NDNF: variants seen among roughly 807,000 people sequenced by gnomAD.
NDNF encodes the protein protein NDNF.
Under a neutral mutation model 42.0 loss-of-function variants are expected in NDNF, and 16 were observed. The observed-to-expected ratio is 0.38, with a 90% confidence interval of 0.26 to 0.58. The LOEUF (loss-of-function observed/expected upper bound fraction) is 0.58, where lower values mean the gene tolerates loss of function less well. Among genes scored for constraint, NDNF ranks in the 20% least tolerant of loss-of-function variants. NDNF has a pLI of 0.67. For synonymous variants in NDNF, 248 were observed against 251.7 expected (o/e 0.99, Z 0.14); for missense variants, 616 against 666.2 (o/e 0.92, Z 0.83).
At chr4:121,056,383 A>T (rs907997090) in intron 1 of NDNF, among the ~76,000 whole-genome samples, 1 of 152,200 alleles carries the variant, frequency 6.6e-6, no homozygotes. Context: ...CCAAGCTTTG[A>T]TGTATAATAC....
rs377352924 is a variant in NDNF at position 121,071,782 on chromosome 4, A to AAAG, written c.-2+210_-2+211insCTT. On this transcript the variant is annotated intron_variant, in intron 1 of 3. Coordinates refer to ENST00000379692, the MANE Select transcript of NDNF (RefSeq NM_024574.4). ...CAACAACAACAATAAAAAAAAAAAA[A>AAAG]CGAGGGAAACCTGCTCCTGCCCCTC... 4 of 150,666 alleles carry AAAG rather than the reference A, an allele frequency of 2.7e-5. No homozygotes were observed. The East Asian group carries it at 8.0e-4, about 30-fold the overall frequency. 9.3% of individuals were successfully genotyped at this position (150,666 alleles called of 1,614,324 possible).
intron 1 of NDNF, among the ~76,000 whole-genome samples, chr4:121,057,801 C>A (rs538833900): frequency 1.2e-4 from 18 of 152,110 alleles, no homozygotes; most frequent in Admixed American, 4.6e-4. Flanking sequence ...ATAAAATCTC[C>A]GGGGAAATTC....
chr4:121,044,789 A>C (rs1462271189), intron 2 of NDNF, among the ~76,000 whole-genome samples: 2 of 152,106 alleles, frequency 1.3e-5, no homozygotes, highest in Admixed American at 1.3e-4. Flanking sequence ...ACATAGTGAG[A>C]CACCATCTCT....
chr4:121,069,254 C>T (rs1312702752), intron 1 of NDNF, among the ~76,000 whole-genome samples: 1 of 152,146 alleles, frequency 6.6e-6, no homozygotes, highest in African/African-American at 2.4e-5. Context: ...AATGTTGTGA[C>T]AATAGTCTTT....
At chr4:121,040,121 G>T in intron 2 of NDNF, 67 bp from the exon 3 acceptor site, 2 of 1,434,784 alleles carry the variant, frequency 1.4e-6, no homozygotes, top group South Asian at 1.4e-5. Context: ...AGACTTACCA[G>T]AAAAATCATT....
chr4:121,041,958 T>C (rs1560604190), intron 2 of NDNF, among the ~76,000 whole-genome samples: 1 of 152,144 alleles, frequency 6.6e-6, no homozygotes, highest in Non-Finnish European at 1.5e-5. Context: ...GCCCTGTCAC[T>C]ACAGAGGTTT....
At chr4:121,058,154 G>A (rs972434196) in intron 1 of NDNF, among the ~76,000 whole-genome samples, 1 of 152,034 alleles carries the variant, frequency 6.6e-6, no homozygotes, top group African/African-American at 2.4e-5. Context: ...CTTGTATAAA[G>A]TAGGCATTAG....
intron 2 of NDNF, among the ~76,000 whole-genome samples, chr4:121,044,639 T>C (rs1339064934): frequency 6.6e-6 from 1 of 152,148 alleles, no homozygotes; most frequent in East Asian, 1.9e-4. Context: ...TCTCAGAATA[T>C]GATAATATTT....
intron 1 of NDNF, among the ~76,000 whole-genome samples, chr4:121,048,710 C>T (rs917007389): frequency 3.3e-5 from 5 of 151,984 alleles, no homozygotes; most frequent in Non-Finnish European, 4.4e-5. Context: ...TGGTGGTGGG[C>T]GCCTGTAATC....
At chr4:121,043,910 T>C (rs1349902879) in intron 2 of NDNF, among the ~76,000 whole-genome samples, 1 of 152,264 alleles carries the variant, frequency 6.6e-6, no homozygotes, top group African/African-American at 2.4e-5. Context: ...TGAAGTATTA[T>C]GACTGCTTTG....
At chr4:121,047,432 A>G (rs1363659576) in intron 1 of NDNF, among the ~76,000 whole-genome samples, 1 of 152,212 alleles carries the variant, frequency 6.6e-6, no homozygotes, top group African/African-American at 2.4e-5. Flanking sequence ...CTGCTATCCT[A>G]TGCAAAAACA....
Position 121,037,294 on chromosome 4 carries a change from G to A in NDNF, c.677C>T (p.Ala226Val), listed in dbSNP as rs745994635. Residue 226 changes from alanine to valine, a missense_variant, in exon 4 of 4, where the codon GCA (alanine) becomes GTA (valine). Ala to Val is a moderately conservative substitution (Grantham distance 64, BLOSUM62 0). Coordinates refer to ENST00000379692, the MANE Select transcript of NDNF (RefSeq NM_024574.4). ...ATCTGCACTCAGTTTTGCTTCCACTGCACAGAGACTTTTGAAATTGTGCTC... is the reference window on the plus strand; with the variant it reads ...ATCTGCACTCAGTTTTGCTTCCACTACACAGAGACTTTTGAAATTGTGCTC... The part of the protein sequence containing the change: ...NKEHNFKSLC[A>V]VEAKLSADDA... 1.2e-6 allele frequency: 2 copies of A among 1,614,114 alleles called. No homozygotes were observed. Among genetic ancestry groups the A allele is most frequent in the Admixed American group, 3.3e-5 (2 of 60,010 alleles).
chr4:121,065,810 T>C (rs1173574709), intron 1 of NDNF, among the ~76,000 whole-genome samples: 1 of 152,076 alleles, frequency 6.6e-6, no homozygotes, highest in East Asian at 1.9e-4. Flanking sequence ...TCTTAAGTGA[T>C]CTGGCTTTAT....
chr4:121,071,371 C>G (rs1274332754), intron 1 of NDNF: 1 of 152,264 alleles, frequency 6.6e-6, no homozygotes, highest in African/African-American at 2.4e-5. Context: ...GGAGCCAGAG[C>G]GGTTGGGGGT....
chr4:121,067,241 G>A (rs568894097), intron 1 of NDNF, among the ~76,000 whole-genome samples: 1 of 152,040 alleles, frequency 6.6e-6, no homozygotes, highest in South Asian at 2.1e-4. Context: ...TTTAAAAGAA[G>A]AATTAAAAGA....
In NDNF at chr4:121,036,101, G is replaced by C. The variant is rs1175198466; in HGVS notation, c.*163C>G. The C allele has an allele frequency of 1.6e-6, 1 of 643,204 alleles. No homozygotes were observed. Among genetic ancestry groups the C allele is most frequent in the Admixed American group, 3.0e-5 (1 of 32,914 alleles). 39.8% of individuals were successfully genotyped at this position (643,204 alleles called of 1,614,324 possible). Reference sequence around the variant, plus strand: ...GCACGCTAGAACAAGTCTCCTTCAAGAGTTACTTATATAAACATCAATATA... The same window carrying C: ...GCACGCTAGAACAAGTCTCCTTCAACAGTTACTTATATAAACATCAATATA... On this transcript the variant is annotated 3_prime_UTR_variant, in exon 4 of 4. Transcript: ENST00000379692.
At position 121,039,212 on chromosome 4, in the gene NDNF, A is replaced by G. The variant is rs1231281435; in HGVS notation, c.313+718T>C. On this transcript the variant is annotated intron_variant, in intron 3 of 3. Coordinates refer to ENST00000379692, the MANE Select transcript of NDNF (RefSeq NM_024574.4). ...TGTGTGTATATATATATATATATAT[A>G]TATATATATATATATATATATATAA... is the stretch of plus-strand genomic sequence containing the variant. 6.0e-4 allele frequency among the ~76,000 whole-genome samples: 26 copies of G among 43,640 alleles called. 1 individual carries two copies. The highest frequency in any genetic ancestry group is 1.3e-3 in the Admixed American group (5 of 3,778). The allele number at this position is 43,640 out of a possible 152,430, so 28.6% of individuals were successfully genotyped here.
At chr4:121,063,676 T>C (rs1727452380) in intron 1 of NDNF, among the ~76,000 whole-genome samples, 1 of 152,080 alleles carries the variant, frequency 6.6e-6, no homozygotes, top group African/African-American at 2.4e-5. Context: ...GGAGAATCTA[T>C]GCAAATGGTG....
chr4:121,039,220 A>AAAGAC lies in NDNF; in HGVS notation c.313+709_313+710insGTCTT, dbSNP rs1361637621. On this transcript the variant is annotated intron_variant, in intron 3 of 3. Transcript: ENST00000379692. The stretch of plus-strand genomic sequence containing the variant: ...TATATATATATATATATATATATAT[A>AAAGAC]TATATATATATATATAAAGACTATG... Among the ~76,000 whole-genome samples the AAAGAC allele has an allele frequency of 8.1e-5, 7 of 86,740 alleles. 1 individual carries two copies. Among genetic ancestry groups the AAAGAC allele is most frequent in the Non-Finnish European group, 1.9e-4 (7 of 36,482 alleles). 56.9% of individuals were successfully genotyped at this position (86,740 alleles called of 152,430 possible). A position where few individuals can be genotyped will look rare whatever the true frequency, so the allele number is the denominator to read the frequency against.
Sources: gnomAD v4.1 joint callset for allele counts (sites outside exome capture counted in the v4.1 genomes callset) on GRCh38, gnomAD v4.1.1 for gene constraint, MANE v1.5 for transcripts, NCBI Gene and HGNC (gene_info 2026-07-23, HGNC 2026-07-21) for gene names.